The following NDUFA10 variants were observed in gnomAD, a reference collection of about 807,000 sequenced individuals.
NDUFA10 encodes the protein NADH dehydrogenase [ubiquinone] 1 alpha subcomplex subunit 10, mitochondrial.
In NDUFA10, 40 loss-of-function variants were observed where a neutral mutation model predicts 47.8. The ratio of observed to expected loss-of-function variants is 0.84; its 90% CI spans 0.65 to 1.09. The LOEUF is 1.09. NDUFA10 is among the 50% of genes least tolerant of loss of function. NDUFA10 has a pLI of 0.00. For synonymous variants in NDUFA10, 183 were observed against 172.2 expected (o/e 1.06, Z -0.49); for missense variants, 413 against 451.1 (o/e 0.92, Z 0.76).
At chr2:239,968,483 T>C (rs930744129) in intron 9 of NDUFA10, among the ~76,000 whole-genome samples, 7 of 152,160 alleles carry the variant, frequency 4.6e-5, no homozygotes, top group Admixed American at 1.3e-4. Flanking sequence ...CCAGGCCAAG[T>C]AGTAGTCAAC....
chr2:239,906,588 T>C lies in NDUFA10; in HGVS notation c.295-11274A>G, dbSNP rs1014423631. On this transcript the variant is annotated intron_variant, in intron 4 of 5. Transcript: ENST00000419408. The surrounding 1 kb of genome is among the most constrained non-coding windows in gnomAD (Gnocchi z 4.3). ...AGGACAGCCCAAGATTTAAAGAAAA[T>C]GGCAGTGCACCCCATGGATGGCAAG... is the stretch of plus-strand genomic sequence containing the variant. Among the ~76,000 whole-genome samples the C allele has an allele frequency of 5.3e-5, 8 of 152,066 alleles. No individual in the cohort carries two copies. Among genetic ancestry groups the C allele is most frequent in the Non-Finnish European group, 1.2e-4 (8 of 68,018 alleles).
chr2:239,980,605 A>G (rs1013084763), intron 9 of NDUFA10, among the ~76,000 whole-genome samples: 3 of 152,224 alleles, frequency 2.0e-5, no homozygotes, highest in Admixed American at 6.5e-5. Context: ...CCAGTTATAA[A>G]GAAAAATAGG....
At chr2:239,992,209 A>G (rs758250368) in intron 8 of NDUFA10, among the ~76,000 whole-genome samples, 3 of 152,234 alleles carry the variant, frequency 2.0e-5, no homozygotes, top group African/African-American at 4.8e-5. Flanking sequence ...TAGTTTCATT[A>G]AGAAGAATTC....
chr2:239,950,719 C>T (rs917178089), intron 4 of NDUFA10, among the ~76,000 whole-genome samples: 4 of 152,212 alleles, frequency 2.6e-5, no homozygotes, highest in African/African-American at 9.6e-5. Flanking sequence ...ATGGCCACCA[C>T]GTGCAGGTGA....
chr2:239,893,270 CGGAAGTATGT>C (rs1693329979), intron 5 of NDUFA10, among the ~76,000 whole-genome samples: 1 of 152,064 alleles, frequency 6.6e-6, no homozygotes, highest in African/African-American at 2.4e-5. Flanking sequence ...CACAGAGGAC[CGGAAGTATGT>C]GCACAGAAGG....
At position 239,945,149 on chromosome 2, in the gene NDUFA10, G is replaced by A. The variant is rs1232906820; in HGVS notation, c.294+44925C>T. 1.3e-5 allele frequency among the ~76,000 whole-genome samples: 2 copies of A among 152,054 alleles called. No homozygotes were observed. The highest frequency in any genetic ancestry group is 4.8e-5 in the African/African-American group (2 of 41,410). On this transcript the variant is annotated intron_variant, in intron 4 of 5. Transcript: ENST00000419408. This position sits in a 1 kb window ranked among gnomAD's most constrained non-coding sequence, Gnocchi z 4.6. Reference sequence around the variant, plus strand: ...GCACGTGTACAGCCATCAGAGCCCCGGCACCCCTCCCGCAGGAGGGCCTGA... The same window carrying A: ...GCACGTGTACAGCCATCAGAGCCCCAGCACCCCTCCCGCAGGAGGGCCTGA...
chr2:239,957,696 A>C lies in NDUFA10; in HGVS notation c.*3422T>G, dbSNP rs371234933. On this transcript the variant is annotated 3_prime_UTR_variant, in exon 10 of 10. Coordinates refer to ENST00000252711, the MANE Select transcript of NDUFA10 (RefSeq NM_004544.4). Reference sequence around the variant, plus strand: ...AGCCAGCGTGAGCCAGGGGACAGACACTTTCAGTGGAACATTTATGGCTCT... The same window carrying C: ...AGCCAGCGTGAGCCAGGGGACAGACCCTTTCAGTGGAACATTTATGGCTCT... 2 of 152,252 alleles carry C rather than the reference A, an allele frequency of 1.3e-5. No individual in the cohort carries two copies. The highest frequency in any genetic ancestry group is 4.8e-5 in the African/African-American group (2 of 41,450). The allele number at this position is 152,252 out of a possible 1,614,324, so 9.4% of individuals were successfully genotyped here.
intron 4 of NDUFA10, among the ~76,000 whole-genome samples, chr2:239,938,213 A>C (rs1694299664): frequency 6.6e-6 from 1 of 152,140 alleles, no homozygotes; most frequent in Non-Finnish European, 1.5e-5. Context: ...GGGTGATAAC[A>C]GCATGTAGCT....
chr2:240,010,934 AG>A (rs1443422226), intron 6 of NDUFA10, among the ~76,000 whole-genome samples: 1 of 152,212 alleles, frequency 6.6e-6, no homozygotes, highest in East Asian at 1.9e-4. Flanking sequence ...AAAGAGGCTT[AG>A]GGTTTTAAAA....
chr2:239,966,865 TTTTTTC>T lies in NDUFA10; in HGVS notation c.1000-5685_1000-5680del, dbSNP rs1169879635. 7.0e-4 allele frequency among the ~76,000 whole-genome samples: 76 copies of T among 109,032 alleles called. 1 individual carries two copies. The South Asian group carries it at 0.015, about 21-fold the overall frequency. The allele number at this position is 109,032 out of a possible 152,430, so 71.5% of individuals were successfully genotyped here. ...AAGGATTTCTTTTTTTTTTTTTTTT[TTTTTTC>T]CCTAAGAGAGAGAGATTAAGTAACT... On this transcript the variant is annotated intron_variant, in intron 9 of 9. Coordinates refer to ENST00000252711, the MANE Select transcript of NDUFA10 (RefSeq NM_004544.4).
At chr2:239,910,305 G>A (rs1403816426) in intron 4 of NDUFA10, among the ~76,000 whole-genome samples, 4 of 152,120 alleles carry the variant, frequency 2.6e-5, no homozygotes, top group African/African-American at 9.7e-5. Flanking sequence ...GCAAAAACAT[G>A]GAATCAACCT....
chr2:239,952,418 C>A (rs1694571927), downstream of NDUFA10, among the ~76,000 whole-genome samples: 1 of 151,582 alleles, frequency 6.6e-6, no homozygotes, highest in South Asian at 2.1e-4. Context: ...CCCACCCCCA[C>A]TGGCCGGCAG....
Position 239,945,851 on chromosome 2 carries a change from C to T in NDUFA10, c.294+44223G>A, listed in dbSNP as rs1213298768. 6.6e-6 allele frequency among the ~76,000 whole-genome samples: 1 copy of T among 150,808 alleles called. No homozygotes were observed. The highest frequency in any genetic ancestry group is 1.5e-5 in the Non-Finnish European group (1 of 68,038). The stretch of plus-strand genomic sequence containing the variant: ...CCAGGCTTCAAGGGCCCACAGGGCT[C>T]CGGGACTGCAAGCCAGAAGCACCCT... On this transcript the variant is annotated intron_variant, in intron 4 of 5. Transcript: ENST00000419408. This position sits in a 1 kb window ranked among gnomAD's most constrained non-coding sequence, Gnocchi z 4.6.
intron 4 of NDUFA10, among the ~76,000 whole-genome samples, chr2:239,918,304 A>C (rs2106366322): frequency 6.6e-6 from 1 of 152,298 alleles, no homozygotes; most frequent in South Asian, 2.1e-4. Context: ...GGAGGCCCTC[A>C]CCAAGGAGGA....
At chr2:239,908,720 G>A (rs1026417577) in intron 4 of NDUFA10, among the ~76,000 whole-genome samples, 4 of 152,236 alleles carry the variant, frequency 2.6e-5, no homozygotes, top group Admixed American at 6.5e-5. Context: ...CAATACATGA[G>A]GTACACTGAA....
intron 4 of NDUFA10, among the ~76,000 whole-genome samples, chr2:239,946,171 T>C (rs4393787): frequency 0.77 from 117,347 of 152,142 alleles, 45,636 homozygotes; most frequent in African/African-American, 0.87. Context: ...CTCCTCCCAC[T>C]TGCTCCTCCT....
chr2:239,921,365 C>T (rs1187076084), intron 4 of NDUFA10, among the ~76,000 whole-genome samples: 14 of 146,056 alleles, frequency 9.6e-5, no homozygotes, highest in Non-Finnish European at 3.0e-5. Flanking sequence ...GCTTCTACAG[C>T]GTGGAAAGGA....
chr2:239,955,429 G>A (rs1382215044), downstream of NDUFA10, among the ~76,000 whole-genome samples: 2 of 152,186 alleles, frequency 1.3e-5, no homozygotes, highest in Non-Finnish European at 2.9e-5. Context: ...GTTGTTCTGA[G>A]CTAAGAGCTT....
intron 4 of NDUFA10, among the ~76,000 whole-genome samples, chr2:239,911,771 G>T (rs1021746730): frequency 6.7e-6 from 1 of 148,606 alleles, no homozygotes; most frequent in Admixed American, 6.8e-5. Context: ...TCTCTCTCTT[G>T]TGCACACACA....
Sources: gnomAD v4.1 joint callset for allele counts (sites outside exome capture counted in the v4.1 genomes callset) on GRCh38, gnomAD v4.1.1 for gene constraint, Gnocchi (gnomAD v3.1) non-coding constraint, MANE v1.5 for transcripts, NCBI Gene and HGNC (gene_info 2026-07-23, HGNC 2026-07-21) for gene names.